Variants in GPRC5B observed in about 807,000 individuals in gnomAD.
GPRC5B encodes the protein G protein-coupled receptor family C group 5 member B.
A neutral mutation model predicts 30.1 loss-of-function variants in GPRC5B; 16 were observed. The ratio of observed to expected loss-of-function variants is 0.53; its 90% CI spans 0.36 to 0.81. The LOEUF (loss-of-function observed/expected upper bound fraction) is 0.81. Among genes scored for constraint, GPRC5B ranks in the 30% least tolerant of loss-of-function variants. The pLI, the probability that GPRC5B is intolerant of heterozygous loss-of-function variation, is 0.01. For synonymous variants in GPRC5B, 241 were observed against 239.5 expected (o/e 1.01, Z -0.06); for missense variants, 428 against 544.7 (o/e 0.79, Z 2.13).
chr16:19,882,010 A>G (rs1324310965), intron 1 of GPRC5B: 5 of 152,256 alleles, frequency 3.3e-5, no homozygotes. Flanking sequence ...GCACCCCAGC[A>G]TCATAGTCTG....
intron 2 of GPRC5B, among the ~76,000 whole-genome samples, chr16:19,868,972 G>T (rs908017754): frequency 1.3e-5 from 2 of 152,142 alleles, no homozygotes; most frequent in African/African-American, 4.8e-5. Context: ...ATAAGATGGG[G>T]ATAATAACAA....
At chr16:19,880,719 G>A (rs376814886) in intron 1 of GPRC5B, among the ~76,000 whole-genome samples, 2 of 152,216 alleles carry the variant, frequency 1.3e-5, no homozygotes, top group Non-Finnish European at 2.9e-5. Flanking sequence ...TCTCTCTTGC[G>A]GAGTCAGACC....
intron 2 of GPRC5B, among the ~76,000 whole-genome samples, chr16:19,870,697 G>A (rs1440882120): frequency 3.3e-5 from 5 of 152,212 alleles, no homozygotes; most frequent in African/African-American, 1.2e-4. Flanking sequence ...ATGCTTTGGG[G>A]GAGCCAGGGA....
At chr16:19,864,659 G>A (rs919104726) in intron 2 of GPRC5B, among the ~76,000 whole-genome samples, 1 of 152,238 alleles carries the variant, frequency 6.6e-6, no homozygotes, top group African/African-American at 2.4e-5. Flanking sequence ...GAGAAACTGG[G>A]CCAACCATAG....
chr16:19,858,651 C>A lies in GPRC5B; in HGVS notation c.*1849G>T. ...CCGGGTCCGCATGCAACCGCCCCCA[C>A]CCCCACCCCAGGTCCTAGCTTCATT... is the stretch of plus-strand genomic sequence containing the variant. On this transcript the variant is annotated 3_prime_UTR_variant, in exon 4 of 4. Transcript: ENST00000300571. 3.8e-6 allele frequency: 2 copies of A among 528,626 alleles called. No homozygotes were observed. The highest frequency in any genetic ancestry group is 3.1e-5 in the East Asian group (1 of 31,936). 32.7% of individuals were successfully genotyped at this position (528,626 alleles called of 1,614,324 possible).
rs1221529710 is a variant in GPRC5B, at chr16:19,858,479, C to T, written c.*2021G>A. On this transcript the variant is annotated 3_prime_UTR_variant, in exon 4 of 4. Coordinates refer to ENST00000300571, the MANE Select transcript of GPRC5B (RefSeq NM_016235.3). ...ACTTAGAAAACGAACGTGTGAATTG[C>T]TCCATCGTGTGAATGGTATCAGAAA... 1.5e-6 allele frequency: 1 copy of T among 688,958 alleles called. No homozygotes were observed. The highest frequency in any genetic ancestry group is 2.1e-5 in the Admixed American group (1 of 48,082). 42.7% of individuals were successfully genotyped at this position (688,958 alleles called of 1,614,324 possible). A position where few individuals can be genotyped will look rare whatever the true frequency, so the allele number is the denominator to read the frequency against.
At chr16:19,867,942 C>G (rs1384847520) in intron 2 of GPRC5B, among the ~76,000 whole-genome samples, 1 of 151,990 alleles carries the variant, frequency 6.6e-6, no homozygotes, top group Non-Finnish European at 1.5e-5. Context: ...GTGTCCGTCT[C>G]AAGTAGTCCT....
chr16:19,861,792 T>C, intron 3 of GPRC5B, 45 bp downstream of exon 3: 13 of 1,577,630 alleles, frequency 8.2e-6, no homozygotes, highest in Non-Finnish European at 9.6e-6. Context: ...CCCGACACCG[T>C]AGACTCCTAG....
At position 19,872,460 on chromosome 16, in the gene GPRC5B, C is replaced by A. The variant is rs1330385649; in HGVS notation, c.386G>T (p.Trp129Leu). Residue 129 changes from tryptophan to leucine, a missense_variant, in exon 2 of 4, where the codon TGG becomes TTG. Around this residue, in one of 3 missense-constraint regions of GPRC5B, gnomAD observed 196 missense variants for 272.6 expected, o/e 0.72. Coordinates refer to ENST00000300571, the MANE Select transcript of GPRC5B (RefSeq NM_016235.3). This position sits in a 1 kb window ranked among gnomAD's most constrained non-coding sequence, Gnocchi z 5.0. Reference sequence around the variant, plus strand: ...GAAGCAGAGCGCAAAGAGGACGCCCCAGAGGAAGCGGCGGACAGAGCAGAT... The same window carrying A: ...GAAGCAGAGCGCAAAGAGGACGCCCAAGAGGAAGCGGCGGACAGAGCAGAT... Reference protein sequence around the residue: ...ETICSVRRFLWGVLFALCFSC... With the variant: ...ETICSVRRFLLGVLFALCFSC... 1 of 1,613,890 alleles carries A rather than the reference C, an allele frequency of 6.2e-7. No homozygotes were observed. The highest frequency in any genetic ancestry group is 1.3e-5 in the African/African-American group (1 of 74,956).
At chr16:19,867,976 A>G (rs2056680437) in intron 2 of GPRC5B, among the ~76,000 whole-genome samples, 1 of 152,218 alleles carries the variant, frequency 6.6e-6, no homozygotes, top group African/African-American at 2.4e-5. Flanking sequence ...CTGAGGCAGG[A>G]GAATCGCTTG....
chr16:19,868,940 C>A (rs1597626864), intron 2 of GPRC5B, among the ~76,000 whole-genome samples: 1 of 152,212 alleles, frequency 6.6e-6, no homozygotes, highest in Non-Finnish European at 1.5e-5. Flanking sequence ...ATTTAATTCT[C>A]AGAGCCTCCA....
rs2729 is a variant in GPRC5B, at chr16:19,857,365, G to C, written c.*3135C>G. 408,466 of 415,340 alleles carry C rather than the reference G, an allele frequency of 0.98. 200,875 individuals are homozygous for C. Among genetic ancestry groups the C allele is most frequent in the East Asian group, 1 (13,148 of 13,152 alleles). The allele number at this position is 415,340 out of a possible 1,614,324, so 25.7% of individuals were successfully genotyped here. On this transcript the variant is annotated 3_prime_UTR_variant, in exon 4 of 4. Coordinates refer to ENST00000300571, the MANE Select transcript of GPRC5B (RefSeq NM_016235.3). ...TGAAAATAAAACCTATCTGCCCATG[G>C]TTTACAGCCTTTTAAATTTGTAATA...
chr16:19,874,564 C>A (rs2056746792), intron 1 of GPRC5B, among the ~76,000 whole-genome samples: 1 of 152,234 alleles, frequency 6.6e-6, no homozygotes, highest in Non-Finnish European at 1.5e-5. Context: ...GCACGACTGA[C>A]ATTTGGGCTG....
At chr16:19,876,498 C>A (rs994601818) in intron 1 of GPRC5B, among the ~76,000 whole-genome samples, 1 of 152,224 alleles carries the variant, frequency 6.6e-6, no homozygotes, top group Non-Finnish European at 1.5e-5. Context: ...CTTGCAAGAA[C>A]TTGGCCTTCT....
At position 19,872,702 on chromosome 16, in the gene GPRC5B, C is replaced by A. The variant is rs1229224218; in HGVS notation, c.144G>T (p.Leu48=). The A allele has an allele frequency of 6.2e-7, 1 of 1,614,022 alleles. No homozygotes were observed. The highest frequency in any genetic ancestry group is 1.7e-5 in the Admixed American group (1 of 60,032). Residue 48 remains leucine, a synonymous_variant, in exon 2 of 4, where the codon CTG becomes CTT. Transcript: ENST00000300571. The surrounding 1 kb of genome is among the most constrained non-coding windows in gnomAD (Gnocchi z 5.0). Reference sequence around the variant, plus strand: ...TGCCCCAGATGGCGTCCAGGTCGCACAGGGACACGTACTGAGGGAGGAGGT... The same window carrying A: ...TGCCCCAGATGGCGTCCAGGTCGCAAAGGGACACGTACTGAGGGAGGAGGT... ...GLDLLPQYVS[L]CDLDAIWGIV... is the part of the protein sequence containing the mutation.
In GPRC5B at chr16:19,872,663, C is replaced by T. The variant is rs757966524; in HGVS notation, c.183G>A (p.Ala61=). 25 of 1,613,990 alleles carry T rather than the reference C, an allele frequency of 1.5e-5. No individual in the cohort carries two copies. Among genetic ancestry groups the T allele is most frequent in the Non-Finnish European group, 1.9e-5 (23 of 1,180,012 alleles). The change falls in exon 2 of 4, where the codon GCG becomes GCA. Residue 61 remains alanine (A), a synonymous_variant. Transcript: ENST00000300571. The surrounding 1 kb of genome is among the most constrained non-coding windows in gnomAD (Gnocchi z 5.0). ...TGATCAGGGCGCCCGCCCCGGCCACCGCCTCCACCACAATGCCCCAGATGG... is the reference window on the plus strand; with the variant it reads ...TGATCAGGGCGCCCGCCCCGGCCACTGCCTCCACCACAATGCCCCAGATGG... ...LDAIWGIVVE[A]VAGAGALITL...
chr16:19,860,871 A>T (rs1052126987), intron 3 of GPRC5B, among the ~76,000 whole-genome samples: 12 of 152,084 alleles, frequency 7.9e-5, no homozygotes, highest in Non-Finnish European at 1.8e-4. Flanking sequence ...AAGCATATTT[A>T]TTATAACACA....
chr16:19,871,940 C>G lies in GPRC5B; in HGVS notation c.906G>C (p.Glu302Asp). 6.2e-7 allele frequency: 1 copy of G among 1,614,088 alleles called. No homozygotes were observed. Among genetic ancestry groups the G allele is most frequent in the South Asian group, 1.1e-5 (1 of 91,078 alleles). Residue 302 changes from glutamate to aspartate, a missense_variant, in exon 2 of 4, where the codon GAG becomes GAC. Transcript: ENST00000300571. ...ACGTGTCGAAGTAGTTGGGCGTGTTCTCCTGCAGGGCTGGCAGAAGGGTGC... is the reference window on the plus strand; with the variant it reads ...ACGTGTCGAAGTAGTTGGGCGTGTTGTCCTGCAGGGCTGGCAGAAGGGTGC... ...IHCTLLPALQ[E>D]NTPNYFDTSQ...
At chr16:19,882,566 G>A (rs2056815799) in intron 1 of GPRC5B, among the ~76,000 whole-genome samples, 1 of 152,102 alleles carries the variant, frequency 6.6e-6, no homozygotes, top group African/African-American at 2.4e-5. Flanking sequence ...GCTCAAAGCG[G>A]TCCCCCAAGG....
Sources: allele counts gnomAD v4.1 joint callset (sites outside exome capture counted in the v4.1 genomes callset), GRCh38; gene constraint gnomAD v4.1.1; regional missense constraint gnomAD v4.1.1; non-coding constraint Gnocchi (gnomAD v3.1); transcripts MANE v1.5; gene names NCBI Gene and HGNC (gene_info 2026-07-23, HGNC 2026-07-21).